VPS13C: variants seen among roughly 807,000 people sequenced by gnomAD.
The protein encoded by VPS13C is vacuolar protein sorting 13 homolog C.
VPS13C carries 358 observed loss-of-function variants against 456.8 expected under a neutral mutation model. The ratio of observed to expected loss-of-function variants is 0.78; its 90% CI spans 0.72 to 0.86. The LOEUF (loss-of-function observed/expected upper bound fraction) is 0.86. Ranked by LOEUF, VPS13C falls within the 40% of genes least tolerant of loss-of-function variation. The pLI is 0.00. For synonymous variants in VPS13C, 1,578 were observed against 1,486.7 expected, an observed-to-expected ratio of 1.06 and a Z score of -1.41; for missense variants, 4,818 against 4,385.4, an observed-to-expected ratio of 1.10 and a Z score of -2.79.
At chr15:61,891,663 T>C (rs1307914254) in intron 66 of VPS13C, among the ~76,000 whole-genome samples, 1 of 152,242 alleles carries the variant, frequency 6.6e-6, no homozygotes, top group Non-Finnish European at 1.5e-5. Flanking sequence ...GTTGATGCAA[T>C]ACTATTCATT....
At chr15:61,973,625 A>G (rs899260635) in intron 25 of VPS13C, 93 bp from the exon 26 acceptor site, 4 of 897,252 alleles carry the variant, frequency 4.5e-6, no homozygotes, top group Non-Finnish European at 7.3e-6. Context: ...AATAGAGGAT[A>G]AAGAGATATG....
chr15:62,036,887 G>A (rs1395304712), intron 3 of VPS13C, among the ~76,000 whole-genome samples: 2 of 151,092 alleles, frequency 1.3e-5, no homozygotes, highest in Admixed American at 6.6e-5. Context: ...CTAGCTCTTA[G>A]AAAACCAAAT....
Position 61,941,889 on chromosome 15 carries a change from G to A in VPS13C, c.5327C>T (p.Ala1776Val). 6.2e-7 allele frequency: 1 copy of A among 1,614,012 alleles called. No individual in the cohort carries two copies. The highest frequency in any genetic ancestry group is 8.5e-7 in the Non-Finnish European group (1 of 1,179,920). ...GATTAAACCCAGATCTGCTATAACA[G>A]CATTAGGTGATACTGAAGACTGAGG... The part of the protein sequence containing the change: ...IIPQSSVSPN[A>V]VIADLGLIRV... Residue 1776 changes from alanine to valine, a missense_variant, in exon 46 of 85, where the codon GCT becomes GTT. Ala to Val is a moderately conservative substitution (Grantham distance 64). Around this residue, in one of 3 missense-constraint regions of VPS13C, gnomAD observed 4,552 missense variants for 4,130.6 expected, o/e 1.10. Coordinates refer to ENST00000644861, the MANE Select transcript of VPS13C (RefSeq NM_020821.3).
intron 23 of VPS13C, among the ~76,000 whole-genome samples, chr15:61,977,932 T>C (rs571599846): frequency 2.0e-5 from 3 of 152,160 alleles, no homozygotes; most frequent in Admixed American, 6.6e-5. Context: ...ACACTCCTAC[T>C]AGAGTATAAA....
At chr15:62,051,814 A>G (rs963071672) in intron 1 of VPS13C, among the ~76,000 whole-genome samples, 9 of 152,354 alleles carry the variant, frequency 5.9e-5, no homozygotes, top group African/African-American at 2.2e-4. Flanking sequence ...CCACAGGGAA[A>G]AACAGATGCA....
At chr15:61,941,240 C>T (rs8038328) in intron 46 of VPS13C, among the ~76,000 whole-genome samples, 83,640 of 151,928 alleles carry the variant, frequency 0.55, 23,171 homozygotes, top group Admixed American at 0.63. Context: ...AACGAACATA[C>T]GGTAATAGTC....
intron 3 of VPS13C, among the ~76,000 whole-genome samples, chr15:62,038,592 T>G (rs1167606215): frequency 6.6e-6 from 1 of 152,028 alleles, no homozygotes; most frequent in Non-Finnish European, 1.5e-5. Context: ...GTCTCTAAAT[T>G]AATTAATTAA....
At chr15:61,914,690 A>C (rs997792376) in intron 61 of VPS13C, among the ~76,000 whole-genome samples, 7 of 151,208 alleles carry the variant, frequency 4.6e-5, no homozygotes, top group African/African-American at 9.7e-5. Flanking sequence ...CCACCCGAGT[A>C]GCTGAGATTA....
chr15:61,949,578 G>A lies in VPS13C; in HGVS notation c.4624C>T (p.Leu1542Phe), dbSNP rs752372477. The change falls in exon 42 of 85, where the codon CTT becomes TTT. Residue 1542 changes from leucine to phenylalanine, a missense_variant. This residue lies in a region of VPS13C where 4,552 missense variants were observed against 4,130.6 expected (regional missense o/e 1.10). Coordinates refer to ENST00000644861, the MANE Select transcript of VPS13C (RefSeq NM_020821.3). Reference protein sequence around the residue: ...KVSFASLDLVLHLEALLSFMD... With the variant: ...KVSFASLDLVFHLEALLSFMD... ...AAGGAAAGTAAAGCTTCCAAATGAAGTACTAAGTCTAAGGATGCAAATGAA... is the reference window on the plus strand; with the variant it reads ...AAGGAAAGTAAAGCTTCCAAATGAAATACTAAGTCTAAGGATGCAAATGAA... The A allele has an allele frequency of 6.2e-6, 10 of 1,609,832 alleles. No homozygotes were observed. The highest frequency in any genetic ancestry group is 1.3e-5 in the African/African-American group (1 of 74,690).
chr15:62,024,040 T>G (rs146842220), intron 6 of VPS13C, among the ~76,000 whole-genome samples, 195 bp from the exon 7 acceptor site: 159 of 152,200 alleles, frequency 1.0e-3, no homozygotes, highest in Admixed American at 1.7e-3. Flanking sequence ...AACCTTCTAT[T>G]GTAAAGAATA....
chr15:61,914,878 T>TAAAAAAAAAAAAAAAAAAAAAAAAAAAA lies in VPS13C; in HGVS notation c.8445+727_8445+754dup, dbSNP rs60910951. On this transcript the variant is annotated intron_variant, in intron 61 of 84. Coordinates refer to ENST00000644861, the MANE Select transcript of VPS13C (RefSeq NM_020821.3). ...ACCGAGCCTGGCCAAAACTCTGCCT[T>TAAAAAAAAAAAAAAAAAAAAAAAAAAAA]AAAAAAAAAAAAAAAAAAAAAAAAA... is the stretch of plus-strand genomic sequence containing the variant. Among the ~76,000 whole-genome samples, 3 of 102,052 alleles carry TAAAAAAAAAAAAAAAAAAAAAAAAAAAA rather than the reference T, an allele frequency of 2.9e-5. 1 individual carries two copies. The highest frequency in any genetic ancestry group is 1.1e-4 in the Admixed American group (1 of 8,816). The allele number at this position is 102,052 out of a possible 152,430, so 67.0% of individuals were successfully genotyped here. A position where few individuals can be genotyped will look rare whatever the true frequency, so the allele number is the denominator to read the frequency against.
At chr15:61,947,146 G>A (rs996112354) in intron 43 of VPS13C, 47 bp downstream of exon 43, 5 of 1,249,636 alleles carry the variant, frequency 4.0e-6, no homozygotes, top group Middle Eastern at 2.8e-4. Flanking sequence ...ATTTTTCCTA[G>A]TTATGTAAAG....
Position 61,867,042 on chromosome 15 carries a change from A to C in VPS13C, c.10863+1617T>G. The C allele has an allele frequency of 1.1e-6, 1 of 910,410 alleles. No homozygotes were observed. Among genetic ancestry groups the C allele is most frequent in the Non-Finnish European group, 1.3e-6 (1 of 761,356 alleles). 56.4% of individuals were successfully genotyped at this position (910,410 alleles called of 1,614,324 possible). A position where few individuals can be genotyped will look rare whatever the true frequency, so the allele number is the denominator to read the frequency against. ...AATTAAGAGGATACTAATTTCAAAA[A>C]TAATGATTATAATTATTTTTTCTCT... On this transcript the variant is annotated intron_variant, in intron 81 of 84. Transcript: ENST00000644861. The surrounding 1 kb of genome is among the most constrained non-coding windows in gnomAD (Gnocchi z 5.0).
chr15:62,006,741 T>C (rs2046863439), intron 15 of VPS13C, among the ~76,000 whole-genome samples: 1 of 152,164 alleles, frequency 6.6e-6, no homozygotes, highest in African/African-American at 2.4e-5. Context: ...AGTGTTCCTA[T>C]TTCTCCACAT....
At position 61,913,551 on chromosome 15, in the gene VPS13C, C is replaced by A. The variant is rs1188297755; in HGVS notation, c.8446-136G>T. The A allele has an allele frequency of 1.7e-5, 11 of 652,566 alleles. No individual in the cohort carries two copies. The African/African-American group carries it at 1.8e-4, about 11-fold the overall frequency. The allele number at this position is 652,566 out of a possible 1,614,324, so 40.4% of individuals were successfully genotyped here. ...GAAATATATAATCAAAGCCATATTG[C>A]AAACAGGTAACAGAACCACAAAAAA... On this transcript the variant is annotated intron_variant, in intron 61 of 84. Transcript: ENST00000644861.
intron 16 of VPS13C, among the ~76,000 whole-genome samples, chr15:61,993,301 G>A (rs2046282212): frequency 6.6e-6 from 1 of 151,652 alleles, no homozygotes. Context: ...TTTTTTCATT[G>A]TTACCATATT....
At chr15:62,034,444 A>C (rs2047917215) in intron 4 of VPS13C, among the ~76,000 whole-genome samples, 1 of 151,726 alleles carries the variant, frequency 6.6e-6, no homozygotes, top group African/African-American at 2.4e-5. Flanking sequence ...AATAATAATA[A>C]AGATATTACT....
chr15:61,986,246 C>G (rs987679763), intron 18 of VPS13C, among the ~76,000 whole-genome samples: 1 of 151,158 alleles, frequency 6.6e-6, no homozygotes, highest in African/African-American at 2.4e-5. Flanking sequence ...TAATTTTAGA[C>G]TTACTCAGAC....
intron 16 of VPS13C, among the ~76,000 whole-genome samples, chr15:61,995,773 C>A (rs1596447723): frequency 6.6e-6 from 1 of 152,210 alleles, no homozygotes; most frequent in Admixed American, 6.5e-5. Flanking sequence ...CCCAAACCAA[C>A]ATCTTGCAAT....
Sources: gnomAD v4.1 joint callset for allele counts (sites outside exome capture counted in the v4.1 genomes callset) on GRCh38, gnomAD v4.1.1 for gene constraint, gnomAD v4.1.1 regional missense constraint, Gnocchi (gnomAD v3.1) non-coding constraint, MANE v1.5 for transcripts, NCBI Gene and HGNC (gene_info 2026-07-23, HGNC 2026-07-21) for gene names.